Variants in MAP3K20 observed in about 807,000 individuals in gnomAD.
The protein encoded by MAP3K20 is HCCS-4.
A neutral mutation model predicts 85.7 loss-of-function variants in MAP3K20; 40 were observed. That is an observed-to-expected ratio of 0.47 (90% confidence interval 0.36 to 0.61). The LOEUF (loss-of-function observed/expected upper bound fraction) is 0.61. Among genes scored for constraint, MAP3K20 ranks in the 20% least tolerant of loss-of-function variants. MAP3K20 has a pLI of 0.00. For missense variants in MAP3K20, 817 were observed against 961.7 expected (o/e 0.85, Z 1.99); for synonymous variants, 325 against 327.7 (o/e 0.99, Z 0.09).
chr2:173,244,903 A>AC (rs1053503702), intron 16 of MAP3K20, among the ~76,000 whole-genome samples: 2 of 152,060 alleles, frequency 1.3e-5, no homozygotes, highest in African/African-American at 4.8e-5. Context: ...GTCCACCCCC[A>AC]CCTCCATGAC....
intron 7 of MAP3K20, among the ~76,000 whole-genome samples, chr2:173,191,483 A>G (rs931352423): frequency 4.6e-5 from 7 of 152,218 alleles, no homozygotes; most frequent in African/African-American, 1.7e-4. Context: ...CAGGGTGGTA[A>G]TGTGACTGTG....
At chr2:173,103,763 A>T (rs1687702199) in intron 2 of MAP3K20, among the ~76,000 whole-genome samples, 1 of 152,180 alleles carries the variant, frequency 6.6e-6, no homozygotes, top group Admixed American at 6.5e-5. Context: ...CCACTGAAAG[A>T]GGTAACTCTA....
intron 10 of MAP3K20, among the ~76,000 whole-genome samples, chr2:173,216,189 A>T (rs998060224): frequency 7.2e-5 from 11 of 152,208 alleles, no homozygotes; most frequent in African/African-American, 2.7e-4. Flanking sequence ...CAACAGCCCT[A>T]AAGGAGAAAA....
chr2:173,176,688 A>G (rs908277995), intron 3 of MAP3K20, among the ~76,000 whole-genome samples: 4 of 152,214 alleles, frequency 2.6e-5, no homozygotes, highest in African/African-American at 9.6e-5. Context: ...ATTTAAACCC[A>G]GCTGTATCAA....
At chr2:173,179,221 G>C (rs1041491444) in intron 3 of MAP3K20, among the ~76,000 whole-genome samples, 2 of 151,672 alleles carry the variant, frequency 1.3e-5, no homozygotes, top group Non-Finnish European at 2.9e-5. Flanking sequence ...GTGAAACCCC[G>C]TCTCTACTAA....
chr2:173,090,690 A>G, intron 1 of MAP3K20: 1 of 1,013,262 alleles, frequency 9.9e-7, no homozygotes, highest in South Asian at 4.2e-5. Flanking sequence ...GTGACACAGT[A>G]GCCTTTCGGC....
chr2:173,114,767 G>T (rs1688070157), intron 2 of MAP3K20, among the ~76,000 whole-genome samples: 1 of 152,206 alleles, frequency 6.6e-6, no homozygotes, highest in Non-Finnish European at 1.5e-5. Flanking sequence ...TTTCTGCTGA[G>T]AAATCTGCTG....
chr2:173,182,680 G>C (rs750135157), intron 3 of MAP3K20, among the ~76,000 whole-genome samples, 174 bp from the exon 4 acceptor site: 1 of 152,114 alleles, frequency 6.6e-6, no homozygotes, highest in Non-Finnish European at 1.5e-5. Flanking sequence ...TTGTTTGACA[G>C]ATATTTTTCT....
intron 7 of MAP3K20, among the ~76,000 whole-genome samples, chr2:173,192,419 A>G (rs1367024005): frequency 1.3e-5 from 2 of 152,238 alleles, no homozygotes; most frequent in Non-Finnish European, 2.9e-5. Context: ...TATTGAAAAA[A>G]TCATTTCAAG....
intron 2 of MAP3K20, among the ~76,000 whole-genome samples, chr2:173,150,663 T>G (rs558795934): frequency 1.4e-4 from 21 of 152,308 alleles, no homozygotes; most frequent in African/African-American, 5.1e-4. Context: ...CCTCCCGGGT[T>G]CGAGCAATTC....
intron 16 of MAP3K20, among the ~76,000 whole-genome samples, chr2:173,239,938 T>C (rs1170645502): frequency 6.6e-6 from 1 of 152,254 alleles, no homozygotes; most frequent in Non-Finnish European, 1.5e-5. Context: ...GCAACACTTC[T>C]TCAATAAGCC....
chr2:173,124,917 G>A (rs140309052), intron 2 of MAP3K20, among the ~76,000 whole-genome samples: 71 of 152,328 alleles, frequency 4.7e-4, no homozygotes, highest in African/African-American at 1.7e-3. Flanking sequence ...GATCCCAGGA[G>A]TTCCAGGCTA....
chr2:173,146,633 C>T (rs983888691), intron 2 of MAP3K20, among the ~76,000 whole-genome samples: 8 of 152,182 alleles, frequency 5.3e-5, no homozygotes, highest in African/African-American at 1.9e-4. Context: ...CTATTCTGGA[C>T]ATTTCATATA....
At chr2:173,208,289 C>T (rs889568312) in intron 9 of MAP3K20, among the ~76,000 whole-genome samples, 1 of 151,744 alleles carries the variant, frequency 6.6e-6, no homozygotes, top group Non-Finnish European at 1.5e-5. Flanking sequence ...GTCCCCGCTA[C>T]TTGGGAGGCT....
intron 8 of MAP3K20, among the ~76,000 whole-genome samples, chr2:173,202,733 C>T (rs963431809): frequency 2.0e-5 from 3 of 152,196 alleles, no homozygotes; most frequent in Admixed American, 1.3e-4. Flanking sequence ...TAGAACTCAG[C>T]AGCTACAAAT....
Position 173,266,322 on chromosome 2 carries a change from T to G in MAP3K20, c.1975T>G (p.Phe659Val). Residue 659 changes from phenylalanine (F) to valine (V), a missense_variant, in exon 20 of 20, where the codon TTT becomes GTT. Transcript: ENST00000375213. The stretch of plus-strand genomic sequence containing the variant: ...ACATCTCAACTCTAGGGACAGTGGC[T>G]TTTCCAGTGGCAATACTGACACCTC... ...SLHLNSRDSGFSSGNTDTSSE... is the reference protein window; with the variant it reads ...SLHLNSRDSGVSSGNTDTSSE... 1.2e-6 allele frequency: 2 copies of G among 1,614,120 alleles called. No homozygotes were observed. Among genetic ancestry groups the G allele is most frequent in the Middle Eastern group, 3.3e-4 (2 of 6,062 alleles).
intron 2 of MAP3K20, among the ~76,000 whole-genome samples, chr2:173,098,213 C>T (rs922176001): frequency 1.3e-5 from 2 of 152,232 alleles, no homozygotes; most frequent in African/African-American, 4.8e-5. Flanking sequence ...TATAATAACT[C>T]GTCCAAAGCG....
At chr2:173,204,519 T>G (rs564848055) in intron 9 of MAP3K20, among the ~76,000 whole-genome samples, 4 of 152,338 alleles carry the variant, frequency 2.6e-5, no homozygotes, top group South Asian at 2.1e-4. Context: ...GTTGGAGAAA[T>G]TCCAAAGCTT....
At chr2:173,260,312 G>T (rs1558916047) in intron 17 of MAP3K20, among the ~76,000 whole-genome samples, 1 of 152,168 alleles carries the variant, frequency 6.6e-6, no homozygotes, top group African/African-American at 2.4e-5. Context: ...AGGTTGCAGT[G>T]AGCCAAGATC....
Sources: allele counts gnomAD v4.1 joint callset (sites outside exome capture counted in the v4.1 genomes callset), GRCh38; gene constraint gnomAD v4.1.1; transcripts MANE v1.5; gene names NCBI Gene and HGNC (gene_info 2026-07-23, HGNC 2026-07-21).